The following NPAS3 variants were observed in gnomAD, a reference collection of about 807,000 sequenced individuals.
The protein encoded by NPAS3 is neuronal PAS domain protein 3, also known as neuronal PAS domain-containing protein 3.
A neutral mutation model predicts 73.1 loss-of-function variants in NPAS3; 14 were observed. That is an observed-to-expected ratio of 0.19 (90% confidence interval 0.13 to 0.30). The LOEUF is 0.30. Ranked by LOEUF, NPAS3 falls within the 10% of genes least tolerant of loss-of-function variation. The pLI is 1.00. For synonymous variants in NPAS3, 620 were observed against 541.5 expected, an observed-to-expected ratio of 1.14 and a Z score of -2.01; for missense variants, 1,096 against 1,250.0, an observed-to-expected ratio of 0.88 and a Z score of 1.86.
At position 32,977,356 on chromosome 14, in the gene NPAS3, G is replaced by A. The variant is rs61980338; in HGVS notation, c.50+37990G>A. Among the ~76,000 whole-genome samples, 95 of 141,542 alleles carry A rather than the reference G, an allele frequency of 6.7e-4. 1 individual carries two copies. The highest frequency in any genetic ancestry group is 1.6e-3 in the South Asian group (7 of 4,366). 92.9% of individuals were successfully genotyped at this position (141,542 alleles called of 152,430 possible). A position where few individuals can be genotyped will look rare whatever the true frequency, so the allele number is the denominator to read the frequency against. ...TTTCTACGAGTTTTGTCTCTGACAC[G>A]CACACACACACACACACACACACAC... On this transcript the variant is annotated intron_variant, in intron 1 of 11. Coordinates refer to ENST00000356141, the Ensembl canonical transcript of NPAS3.
intron 6 of NPAS3, among the ~76,000 whole-genome samples, chr14:33,730,508 G>A (rs969921198): frequency 5.3e-5 from 8 of 152,186 alleles, no homozygotes; most frequent in Non-Finnish European, 1.2e-4. Context: ...TGGTGAAGTT[G>A]TTAAAAGTCA....
At chr14:33,568,932 T>C (rs943533445) in intron 5 of NPAS3, among the ~76,000 whole-genome samples, 6 of 152,204 alleles carry the variant, frequency 3.9e-5, no homozygotes, top group Admixed American at 3.3e-4. Context: ...CTTAAAATCA[T>C]CATTGTTAAA....
intron 4 of NPAS3, among the ~76,000 whole-genome samples, chr14:33,528,119 C>T (rs1173511000): frequency 6.6e-6 from 1 of 152,080 alleles, no homozygotes; most frequent in Non-Finnish European, 1.5e-5. Flanking sequence ...TTATTCTTCA[C>T]ACTATTCCTG....
intron 4 of NPAS3, among the ~76,000 whole-genome samples, chr14:33,526,463 C>G (rs1157207379): frequency 1.3e-5 from 2 of 151,540 alleles, no homozygotes; most frequent in African/African-American, 4.9e-5. Context: ...AAAGAATATC[C>G]CATGTAAAAG....
intron 2 of NPAS3, among the ~76,000 whole-genome samples, chr14:33,134,487 A>G (rs1388757390): frequency 2.0e-5 from 3 of 152,160 alleles, no homozygotes; most frequent in Admixed American, 2.0e-4. Flanking sequence ...TTTTTCACGG[A>G]TACTGAAAAT....
chr14:33,322,934 C>G (rs1025672963), intron 3 of NPAS3, among the ~76,000 whole-genome samples: 1 of 152,100 alleles, frequency 6.6e-6, no homozygotes, highest in Non-Finnish European at 1.5e-5. Flanking sequence ...TCTGACTTAC[C>G]TAATCAGAAA....
intron 2 of NPAS3, among the ~76,000 whole-genome samples, chr14:33,059,005 T>C (rs2138557657): frequency 6.6e-6 from 1 of 152,312 alleles, no homozygotes; most frequent in East Asian, 1.9e-4. Context: ...CCAACTTGGA[T>C]GGGTTTGTGA....
intron 1 of NPAS3, among the ~76,000 whole-genome samples, chr14:32,973,857 C>T (rs1409046672): frequency 6.6e-6 from 1 of 152,090 alleles, no homozygotes; most frequent in Admixed American, 6.6e-5. Context: ...TTTTGAATGT[C>T]ATTTCTATCA....
intron 3 of NPAS3, among the ~76,000 whole-genome samples, chr14:33,302,850 T>A (rs542957935): frequency 6.6e-6 from 1 of 152,146 alleles, no homozygotes; most frequent in Non-Finnish European, 1.5e-5. Context: ...AGTTACACTC[T>A]GTATTTTAGA....
At chr14:33,329,816 G>T (rs1487371152) in intron 3 of NPAS3, among the ~76,000 whole-genome samples, 1 of 151,490 alleles carries the variant, frequency 6.6e-6, no homozygotes. Context: ...AGTGGAGTGT[G>T]TGTGTGTGTG....
At chr14:33,614,697 G>T (rs543253737) in intron 5 of NPAS3, among the ~76,000 whole-genome samples, 12 of 152,194 alleles carry the variant, frequency 7.9e-5, no homozygotes, top group African/African-American at 2.6e-4. Context: ...TAGAAATAAA[G>T]GACTTAAGCC....
At chr14:33,235,777 A>G (rs111607593) in intron 3 of NPAS3, among the ~76,000 whole-genome samples, 23 of 151,658 alleles carry the variant, frequency 1.5e-4, no homozygotes, top group African/African-American at 5.6e-4. Context: ...CTTGCGTACA[A>G]AAGACTAAAA....
intron 6 of NPAS3, among the ~76,000 whole-genome samples, chr14:33,711,432 A>AC (rs2060815571): frequency 6.6e-6 from 1 of 152,140 alleles, no homozygotes. Context: ...AACATAGAGA[A>AC]CTTCCCTGGG....
chr14:33,576,040 T>C (rs1476958109), intron 5 of NPAS3, among the ~76,000 whole-genome samples: 2 of 152,038 alleles, frequency 1.3e-5, no homozygotes, highest in Non-Finnish European at 2.9e-5. Context: ...GCAAACTGGA[T>C]TTTACAAATA....
intron 1 of NPAS3, among the ~76,000 whole-genome samples, chr14:32,994,878 C>T (rs549693567): frequency 5.9e-5 from 9 of 152,170 alleles, no homozygotes; most frequent in South Asian, 2.1e-4. Flanking sequence ...GTGATCCACC[C>T]GCCTTGGCCT....
intron 7 of NPAS3, among the ~76,000 whole-genome samples, chr14:33,741,213 C>T (rs2061648005): frequency 6.6e-6 from 1 of 152,180 alleles, no homozygotes; most frequent in South Asian, 2.1e-4. Flanking sequence ...ACCAATGCTT[C>T]TCCTAAAGCC....
intron 2 of NPAS3, among the ~76,000 whole-genome samples, chr14:33,127,140 TC>T (rs1234701046): frequency 6.6e-6 from 1 of 152,080 alleles, no homozygotes; most frequent in Non-Finnish European, 1.5e-5. Context: ...CTTTGGGACT[TC>T]CTTTATACAC....
At chr14:33,544,820 A>ATATATATT (rs11377851) in intron 4 of NPAS3, among the ~76,000 whole-genome samples, 2 of 98,550 alleles carry the variant, frequency 2.0e-5, no homozygotes, top group Admixed American at 1.1e-4. Flanking sequence ...ATGTATATAT[A>ATATATATT]ATATATATGT....
At chr14:33,374,975 T>C (rs1334882493) in intron 4 of NPAS3, among the ~76,000 whole-genome samples, 1 of 152,204 alleles carries the variant, frequency 6.6e-6, no homozygotes, top group Non-Finnish European at 1.5e-5. Flanking sequence ...TTTTCTACTT[T>C]ATTGTTGAGT....
Sources: allele counts gnomAD v4.1 joint callset (sites outside exome capture counted in the v4.1 genomes callset), GRCh38; gene constraint gnomAD v4.1.1; transcripts MANE v1.5; gene names NCBI Gene and HGNC (gene_info 2026-07-23, HGNC 2026-07-21).